MS4A4A: variants seen among roughly 807,000 people sequenced by gnomAD.
The protein encoded by MS4A4A is membrane spanning 4-domains A4A.
In MS4A4A, 26 loss-of-function variants were observed where a neutral mutation model predicts 28.0. The observed-to-expected ratio is 0.93, with a 90% CI of 0.68 to 1.29. The LOEUF (loss-of-function observed/expected upper bound fraction) is 1.29, where lower values mean the gene tolerates loss of function less well. Among genes scored for constraint, MS4A4A ranks in the 50% most tolerant of loss-of-function variants. The pLI, the probability that MS4A4A is intolerant of heterozygous loss-of-function variation, is 0.00. For missense variants in MS4A4A, 290 were observed against 293.1 expected (o/e 0.99, Z 0.08); for synonymous variants, 86 against 100.8 (o/e 0.85, Z 0.88).
intron 3 of MS4A4A, among the ~76,000 whole-genome samples, chr11:60,300,594 C>A (rs890929941): frequency 1.4e-4 from 17 of 122,910 alleles, no homozygotes; most frequent in African/African-American, 5.4e-4. Context: ...CCAGCCTGGG[C>A]GACAGAGCGA....
intron 4 of MS4A4A, 28 bp downstream of exon 4, chr11:60,301,085 C>CA (rs760533307): frequency 6.7e-7 from 1 of 1,503,036 alleles, no homozygotes; most frequent in East Asian, 2.3e-5. Flanking sequence ...TTTTTGGTAT[C>CA]AAAAAAAGGA....
At position 60,289,721 on chromosome 11, in the gene MS4A4A, T is replaced by G. The variant is rs891511352; in HGVS notation, c.42-2504T>G. Among the ~76,000 whole-genome samples, 11 of 152,144 alleles carry G rather than the reference T, an allele frequency of 7.2e-5. 1 individual carries two copies. Among genetic ancestry groups the G allele is most frequent in the Middle Eastern group, 6.8e-3 (2 of 294 alleles). ...ATTGTAGACCTTTTAATTCTACACT[T>G]CTAATCTTTTAACCTCCCTTCTATT... On this transcript the variant is annotated intron_variant, in intron 1 of 6. Coordinates refer to ENST00000337908, the MANE Select transcript of MS4A4A (RefSeq NM_148975.3).
chr11:60,289,828 T>C (rs555863400), intron 1 of MS4A4A, among the ~76,000 whole-genome samples: 1 of 152,344 alleles, frequency 6.6e-6, no homozygotes, highest in South Asian at 2.1e-4. Flanking sequence ...TATTTTCAGC[T>C]ATTCCTTGTT....
At chr11:60,290,850 A>G (rs1229856287) in intron 1 of MS4A4A, among the ~76,000 whole-genome samples, 1 of 152,180 alleles carries the variant, frequency 6.6e-6, no homozygotes, top group Non-Finnish European at 1.5e-5. Context: ...ATACAGGATG[A>G]TAATTTTTTC....
rs141357793 is a variant in MS4A4A at position 60,289,329 on chromosome 11, G to A, written c.42-2896G>A. The stretch of plus-strand genomic sequence containing the variant: ...CAGTAGTAAGATTACAGGTATCCAT[G>A]GTGGTGATGGGAGCTGCTGGGGTCC... On this transcript the variant is annotated intron_variant, in intron 1 of 6. Coordinates refer to ENST00000337908, the MANE Select transcript of MS4A4A (RefSeq NM_148975.3). 3.0e-4 allele frequency among the ~76,000 whole-genome samples: 46 copies of A among 152,198 alleles called. 1 individual carries two copies. In the East Asian group the frequency reaches 5.4e-3, roughly 18 times the overall value.
chr11:60,288,391 A>C (rs939329053), intron 1 of MS4A4A, among the ~76,000 whole-genome samples: 1 of 152,166 alleles, frequency 6.6e-6, no homozygotes, highest in Admixed American at 6.5e-5. Flanking sequence ...AGGTTCACTC[A>C]CCAAGGCATG....
chr11:60,283,831 A>G (rs1226621763), intron 1 of MS4A4A, among the ~76,000 whole-genome samples: 2 of 152,244 alleles, frequency 1.3e-5, no homozygotes, highest in African/African-American at 4.8e-5. Context: ...AGGAAGTGCT[A>G]AAGTGTATAT....
intron 3 of MS4A4A, among the ~76,000 whole-genome samples, chr11:60,300,697 T>C (rs1451550536): frequency 6.6e-6 from 1 of 151,982 alleles, no homozygotes; most frequent in African/African-American, 2.4e-5. Context: ...GTCATCAATT[T>C]TGGTACCATG....
rs2084845816 is a variant in MS4A4A at position 60,290,532 on chromosome 11, A to G, written c.42-1693A>G. Reference sequence around the variant, plus strand: ...ATTGATTTTTTGGTTACATTCTTATATATAATTCCTTATCTTAACTACTTC... The same window carrying G: ...ATTGATTTTTTGGTTACATTCTTATGTATAATTCCTTATCTTAACTACTTC... On this transcript the variant is annotated intron_variant, in intron 1 of 6. Transcript: ENST00000337908. Among the ~76,000 whole-genome samples the G allele has an allele frequency of 2.6e-5, 4 of 152,088 alleles. No individual in the cohort carries two copies. In the South Asian group the frequency reaches 8.3e-4, roughly 31 times the overall value.
intron 2 of MS4A4A, among the ~76,000 whole-genome samples, chr11:60,293,088 C>T (rs1040007411): frequency 3.9e-5 from 6 of 152,086 alleles, no homozygotes; most frequent in Non-Finnish European, 8.8e-5. Context: ...GATGGAGTCT[C>T]GCTCCATCAT....
chr11:60,292,439 G>C, intron 2 of MS4A4A, 55 bp downstream of exon 2: 1 of 1,494,678 alleles, frequency 6.7e-7, no homozygotes, highest in Non-Finnish European at 8.9e-7. Context: ...TATTTCATAA[G>C]ACCTAATGCC....
At chr11:60,300,615 CAAAAA>C (rs760648433) in intron 3 of MS4A4A, among the ~76,000 whole-genome samples, 44 of 36,024 alleles carry the variant, frequency 1.2e-3, no homozygotes, top group South Asian at 4.8e-3. Flanking sequence ...GACTCCGTCT[CAAAAA>C]AAAAAAAAAA....
At chr11:60,296,358 T>C (rs1210367138) in intron 2 of MS4A4A, among the ~76,000 whole-genome samples, 1 of 152,042 alleles carries the variant, frequency 6.6e-6, no homozygotes, top group Non-Finnish European at 1.5e-5. Flanking sequence ...CTCTCTCTTT[T>C]TCTTAGGCTG....
intron 1 of MS4A4A, among the ~76,000 whole-genome samples, chr11:60,287,055 C>T (rs1381677983): frequency 1.3e-5 from 2 of 152,136 alleles, no homozygotes; most frequent in African/African-American, 4.8e-5. Context: ...GCCTTGTACT[C>T]ATCATTAGGC....
chr11:60,303,721 A>G (rs918964505), intron 5 of MS4A4A, among the ~76,000 whole-genome samples: 1 of 152,010 alleles, frequency 6.6e-6, no homozygotes, highest in Non-Finnish European at 1.5e-5. Flanking sequence ...AAAAAGAGAA[A>G]GCCTATTGGT....
chr11:60,299,016 C>A (rs530503817), intron 3 of MS4A4A, among the ~76,000 whole-genome samples: 13 of 152,262 alleles, frequency 8.5e-5, no homozygotes, highest in Non-Finnish European at 1.8e-4. Flanking sequence ...GTTTCACATT[C>A]CTTGTTTTTT....
In MS4A4A at chr11:60,294,535, C is replaced by T. The variant is rs371651245; in HGVS notation, c.201+2151C>T. 2.8e-4 allele frequency among the ~76,000 whole-genome samples: 43 copies of T among 152,180 alleles called. No homozygotes were observed. The South Asian group carries it at 8.3e-3, about 29-fold the overall frequency. ...GTATTGACAAATTCATCACCAAACC[C>T]AAGGTCATCTAGATTTTGGCCTATG... is the stretch of plus-strand genomic sequence containing the variant. On this transcript the variant is annotated intron_variant, in intron 2 of 6. Coordinates refer to ENST00000337908, the MANE Select transcript of MS4A4A (RefSeq NM_148975.3).
At chr11:60,295,245 G>A (rs1488055084) in intron 2 of MS4A4A, among the ~76,000 whole-genome samples, 3 of 151,754 alleles carry the variant, frequency 2.0e-5, no homozygotes, top group Non-Finnish European at 4.4e-5. Context: ...ATTTTTAGAG[G>A]TGCTAATTTA....
chr11:60,297,212 A>G lies in MS4A4A; in HGVS notation c.217A>G (p.Thr73Ala). The change falls in exon 3 of 7, where the codon ACT becomes GCT. Residue 73 changes from threonine (T) to alanine (A), a missense_variant. Thr to Ala is a moderately conservative substitution (Grantham distance 58). Transcript: ENST00000337908. ...PKVLGVVQIL[T>A]ALMSLSMGIT... is the part of the protein sequence containing the mutation. Reference sequence around the variant, plus strand: ...CCATTTTTAGGTTGTGCAGATTCTGACTGCCCTGATGAGCCTTAGCATGGG... The same window carrying G: ...CCATTTTTAGGTTGTGCAGATTCTGGCTGCCCTGATGAGCCTTAGCATGGG... The G allele has an allele frequency of 6.2e-7, 1 of 1,613,362 alleles. No individual in the cohort carries two copies. The highest frequency in any genetic ancestry group is 8.5e-7 in the Non-Finnish European group (1 of 1,179,542).
Sources: gnomAD v4.1 joint callset for allele counts (sites outside exome capture counted in the v4.1 genomes callset) on GRCh38, gnomAD v4.1.1 for gene constraint, MANE v1.5 for transcripts, NCBI Gene and HGNC (gene_info 2026-07-23, HGNC 2026-07-21) for gene names.